MYPN: variants seen among roughly 807,000 people sequenced by gnomAD.
MYPN encodes myopalladin.
In MYPN, 63 loss-of-function variants were observed where a neutral mutation model predicts 129.4. The observed-to-expected ratio is 0.49, with a 90% CI of 0.40 to 0.60. The LOEUF is 0.60. Ranked by LOEUF, MYPN falls within the 20% of genes least tolerant of loss-of-function variation. The pLI is 0.00. For synonymous variants in MYPN, 629 were observed against 600.9 expected, an observed-to-expected ratio of 1.05 and a Z score of -0.68; for missense variants, 1,596 against 1,635.4, an observed-to-expected ratio of 0.98 and a Z score of 0.42.
At chr10:68,210,216 T>G (rs939663251) in intron 19 of MYPN, 70 bp from the exon 20 acceptor site, 1 of 1,561,514 alleles carries the variant, frequency 6.4e-7, no homozygotes, top group Non-Finnish European at 8.8e-7. Context: ...GAGGACAGAA[T>G]GCACCTCTGC....
intron 19 of MYPN, 81 bp from the exon 20 acceptor site, chr10:68,210,205 T>A: frequency 6.6e-7 from 1 of 1,504,542 alleles, no homozygotes; most frequent in Non-Finnish European, 9.2e-7. Context: ...AGAATCGGGG[T>A]GAGGACAGAA....
rs368448794 is a variant in MYPN at position 68,197,398 on chromosome 10, C to A, written c.3205C>A (p.Arg1069Ser). The change falls in exon 16 of 20, where the codon CGC becomes AGC. Residue 1069 changes from arginine to serine, a missense_variant. By Grantham distance (110) the Arg-to-Ser change is moderately radical. Coordinates refer to ENST00000358913, the MANE Select transcript of MYPN (RefSeq NM_032578.4). ...QERDKEPLQERFFRPHFLQAP... is the reference protein window; with the variant it reads ...QERDKEPLQESFFRPHFLQAP... ...AAGAGACAAAGAGCCCCTACAGGAA[C>A]GCTTTTTCCGACCACATTTCCTGCA... 3.0e-5 allele frequency: 48 copies of A among 1,613,826 alleles called. No homozygotes were observed. The Admixed American group carries it at 5.7e-4, about 19-fold the overall frequency.
intron 19 of MYPN, 82 bp downstream of exon 19, chr10:68,206,985 A>T: frequency 6.5e-7 from 1 of 1,543,888 alleles, no homozygotes; most frequent in African/African-American, 1.4e-5. Flanking sequence ...GGGTCAGGCA[A>T]GGTGGCTCAT....
intron 2 of MYPN, among the ~76,000 whole-genome samples, chr10:68,131,792 AT>A (rs1480060645): frequency 6.6e-6 from 1 of 152,112 alleles, no homozygotes. Context: ...TGCTATTATT[AT>A]TTTTTAATGC....
At chr10:68,097,073 C>T (rs1330765112) in intron 1 of MYPN, among the ~76,000 whole-genome samples, 2 of 152,188 alleles carry the variant, frequency 1.3e-5, no homozygotes, top group Non-Finnish European at 2.9e-5. Context: ...ATGTTTAGCT[C>T]CTTGGCAGTA....
At chr10:68,088,885 C>A (rs991667033) in intron 1 of MYPN, among the ~76,000 whole-genome samples, 1 of 152,170 alleles carries the variant, frequency 6.6e-6, no homozygotes, top group Non-Finnish European at 1.5e-5. Context: ...CCCTCATATC[C>A]AATAGCAGTA....
chr10:68,122,428 A>G, intron 2 of MYPN, 88 bp downstream of exon 2: 7 of 1,379,264 alleles, frequency 5.1e-6, no homozygotes, highest in Non-Finnish European at 7.2e-6. Flanking sequence ...CACCTGGTTT[A>G]CAAAATTATA....
At position 68,141,826 on chromosome 10, in the gene MYPN, T is replaced by C. The variant is rs569781409; in HGVS notation, c.903-1114T>C. Among the ~76,000 whole-genome samples the C allele has an allele frequency of 1.5e-4, 23 of 152,312 alleles. No individual in the cohort carries two copies. The South Asian group carries it at 4.6e-3, about 30-fold the overall frequency. On this transcript the variant is annotated intron_variant, in intron 2 of 19. Transcript: ENST00000358913. Reference sequence around the variant, plus strand: ...GTAAACCCCATTTCTTATACAAGGCTAGCACCCTATATGCACTATTTTGCA... The same window carrying C: ...GTAAACCCCATTTCTTATACAAGGCCAGCACCCTATATGCACTATTTTGCA...
intron 18 of MYPN, among the ~76,000 whole-genome samples, chr10:68,204,330 T>G (rs2043773695): frequency 6.6e-6 from 1 of 152,166 alleles, no homozygotes; most frequent in Non-Finnish European, 1.5e-5. Flanking sequence ...TTGCCTCACC[T>G]CACTAAACTA....
In MYPN at chr10:68,143,681, G is replaced by T. The variant is rs76914845; in HGVS notation, c.1078+566G>T. On this transcript the variant is annotated intron_variant, in intron 3 of 19. Transcript: ENST00000358913. ...GCAAGGACTTTGGTTTTGACCCTGA[G>T]GTAGATGAGAAGTTCTGGAGCATTC... Among the ~76,000 whole-genome samples, 327 of 152,210 alleles carry T rather than the reference G, an allele frequency of 2.1e-3. 10 individuals are homozygous for T. In the East Asian group the frequency reaches 0.045, roughly 21 times the overall value.
chr10:68,130,214 C>T (rs2134021228), intron 2 of MYPN, among the ~76,000 whole-genome samples: 1 of 152,250 alleles, frequency 6.6e-6, no homozygotes, highest in South Asian at 2.1e-4. Context: ...AATCCCAGCA[C>T]TTTGGGAGGC....
chr10:68,180,246 C>T (rs577428508), intron 12 of MYPN, among the ~76,000 whole-genome samples: 60 of 152,282 alleles, frequency 3.9e-4, no homozygotes, highest in African/African-American at 1.4e-3. Flanking sequence ...AATGCAGTGG[C>T]GCATTCTCTG....
At chr10:68,131,411 CA>C (rs201186495) in intron 2 of MYPN, among the ~76,000 whole-genome samples, 1 of 150,442 alleles carries the variant, frequency 6.6e-6, no homozygotes, top group African/African-American at 2.4e-5. Flanking sequence ...AGAACAACAA[CA>C]AAAAAAACTA....
intron 6 of MYPN, among the ~76,000 whole-genome samples, chr10:68,154,133 T>A (rs775934167): frequency 6.6e-6 from 1 of 152,350 alleles, no homozygotes; most frequent in Non-Finnish European, 1.5e-5. Flanking sequence ...TGTTTTTAGA[T>A]GCTCTTTAAC....
chr10:68,185,461 A>G (rs2043406169), intron 12 of MYPN, among the ~76,000 whole-genome samples: 1 of 151,880 alleles, frequency 6.6e-6, no homozygotes, highest in African/African-American at 2.4e-5. Context: ...ACCCTCCCCA[A>G]CACCCCCTGC....
At chr10:68,199,118 A>T (rs1482786772) in intron 16 of MYPN, among the ~76,000 whole-genome samples, 1 of 151,778 alleles carries the variant, frequency 6.6e-6, no homozygotes, top group African/African-American at 2.4e-5. Flanking sequence ...ATTCTTATTT[A>T]TTCTAATCTA....
Position 68,185,366 on chromosome 10 carries a change from A to G in MYPN, c.2704-3539A>G, listed in dbSNP as rs907918926. 3.3e-5 allele frequency among the ~76,000 whole-genome samples: 5 copies of G among 152,148 alleles called. No individual in the cohort carries two copies. In the South Asian group the frequency reaches 6.2e-4, roughly 19 times the overall value. ...AGCACAGATTAGCTTTTAGAAAACA[A>G]TAACATTTTCTTTATGATTTACCCA... On this transcript the variant is annotated intron_variant, in intron 12 of 19. Transcript: ENST00000358913.
Position 68,142,956 on chromosome 10 carries a change from A to G in MYPN, c.919A>G (p.Lys307Glu). 6.2e-7 allele frequency: 1 copy of G among 1,614,138 alleles called. No homozygotes were observed. Among genetic ancestry groups the G allele is most frequent in the South Asian group, 1.1e-5 (1 of 91,086 alleles). Residue 307 changes from lysine to glutamate, a missense_variant, in exon 3 of 20, where the codon AAG becomes GAG. Lys to Glu is a moderately conservative substitution (Grantham distance 56). Coordinates refer to ENST00000358913, the MANE Select transcript of MYPN (RefSeq NM_032578.4). ...TCCCTGCAGGTGGTACTGTGAAGGCAAGGAGCTTGAAAATTCCCCAGATAT... is the reference window on the plus strand; with the variant it reads ...TCCCTGCAGGTGGTACTGTGAAGGCGAGGAGCTTGAAAATTCCCCAGATAT... The part of the protein sequence containing the change: ...PPQVRWYCEG[K>E]ELENSPDIHI...
chr10:68,158,781 GTTCTC>G (rs2042924767), intron 7 of MYPN, among the ~76,000 whole-genome samples, 154 bp downstream of exon 7: 1 of 152,134 alleles, frequency 6.6e-6, no homozygotes, highest in Non-Finnish European at 1.5e-5. Context: ...TTCAGTATAT[GTTCTC>G]CAAGAATTTT....
Sources: gnomAD v4.1 joint callset for allele counts (sites outside exome capture counted in the v4.1 genomes callset) on GRCh38, gnomAD v4.1.1 for gene constraint, MANE v1.5 for transcripts, NCBI Gene and HGNC (gene_info 2026-07-23, HGNC 2026-07-21) for gene names.